The following CDK6 variants were observed in gnomAD, a reference collection of about 807,000 sequenced individuals.
The protein encoded by CDK6 is cyclin dependent kinase 6, also known as cyclin-dependent kinase 6.
A neutral mutation model predicts 37.1 loss-of-function variants in CDK6; 6 were observed. The ratio of observed to expected loss-of-function variants is 0.16; its 90% confidence interval spans 0.09 to 0.32. The LOEUF is 0.32. Ranked by LOEUF, CDK6 falls within the 10% of genes least tolerant of loss-of-function variation. The pLI is 1.00. For missense variants in CDK6, 224 were observed against 418.9 expected, an observed-to-expected ratio of 0.53 and a Z score of 4.06; for synonymous variants, 160 against 161.3, an observed-to-expected ratio of 0.99 and a Z score of 0.06.
In CDK6 at chr7:92,811,949, G is replaced by A. The variant is rs188991274; in HGVS notation, c.233+21142C>T. 2.2e-4 allele frequency among the ~76,000 whole-genome samples: 33 copies of A among 152,234 alleles called. 1 individual carries two copies. Among genetic ancestry groups the A allele is most frequent in the Admixed American group, 1.8e-3 (27 of 15,286 alleles). ...TGGAGGATCATGAGGTCAGGAGTTCGAGATCAGCCTGACCAACACTGTGAA... is the reference window on the plus strand; with the variant it reads ...TGGAGGATCATGAGGTCAGGAGTTCAAGATCAGCCTGACCAACACTGTGAA... On this transcript the variant is annotated intron_variant, in intron 2 of 7. Transcript: ENST00000424848.
intron 5 of CDK6, among the ~76,000 whole-genome samples, chr7:92,645,491 T>C (rs1350765846): frequency 1.3e-5 from 2 of 152,204 alleles, no homozygotes; most frequent in African/African-American, 4.8e-5. Context: ...ATAATAAGAT[T>C]TCCAAGCAGC....
At chr7:92,731,828 A>G (rs1798658239) in intron 3 of CDK6, among the ~76,000 whole-genome samples, 1 of 152,200 alleles carries the variant, frequency 6.6e-6, no homozygotes, top group African/African-American at 2.4e-5. Flanking sequence ...TAATGACTTA[A>G]ATGAACAACA....
chr7:92,632,933 CTTTTTTTT>C (rs397889657), intron 5 of CDK6, among the ~76,000 whole-genome samples: 6 of 108,882 alleles, frequency 5.5e-5, no homozygotes, highest in African/African-American at 1.5e-4. Context: ...CTCTAAAGAT[CTTTTTTTT>C]TTTTTTTTTT....
rs564969079 is a variant in CDK6, at chr7:92,703,235, T to TA, written c.537+22390dup. Among the ~76,000 whole-genome samples the TA allele has an allele frequency of 5.3e-3, 762 of 144,864 alleles. 4 individuals are homozygous for TA. Among genetic ancestry groups the TA allele is most frequent in the Non-Finnish European group, 8.3e-3 (542 of 65,602 alleles). ...ATTTAAAATAGCTCACCTCCACAAT[T>TA]AAAAAAAAAAACACCAGATGACCAT... On this transcript the variant is annotated intron_variant, in intron 4 of 7. Coordinates refer to ENST00000424848, the MANE Select transcript of CDK6 (RefSeq NM_001145306.2).
chr7:92,727,771 C>A (rs1033054641), intron 3 of CDK6, among the ~76,000 whole-genome samples: 2 of 152,110 alleles, frequency 1.3e-5, no homozygotes, highest in Non-Finnish European at 2.9e-5. Context: ...GAGAAGACTG[C>A]ATTGGGGAGG....
intron 5 of CDK6, among the ~76,000 whole-genome samples, chr7:92,642,172 CTTGT>C (rs1796323668): frequency 6.6e-6 from 1 of 152,140 alleles, no homozygotes; most frequent in Non-Finnish European, 1.5e-5. Flanking sequence ...CCAACTCCTC[CTTGT>C]GGAGGAGTCA....
At chr7:92,629,526 A>G (rs1453638637) in intron 5 of CDK6, among the ~76,000 whole-genome samples, 1 of 152,082 alleles carries the variant, frequency 6.6e-6, no homozygotes, top group East Asian at 1.9e-4. Context: ...AAACATTACA[A>G]AACTCATAAA....
In CDK6 at chr7:92,617,720, A is replaced by C. The variant is rs1386115764; in HGVS notation, c.834+352T>G. ...GAAAAGGCACGTTAAAATGACAAAC[A>C]AATTACTTAAAGTAGCATGAAACTG... On this transcript the variant is annotated intron_variant, in intron 7 of 7. Coordinates refer to ENST00000424848, the MANE Select transcript of CDK6 (RefSeq NM_001145306.2). Among the ~76,000 whole-genome samples, 4 of 152,364 alleles carry C rather than the reference A, an allele frequency of 2.6e-5. No homozygotes were observed. In the South Asian group the frequency reaches 8.3e-4, roughly 32 times the overall value.
intron 4 of CDK6, among the ~76,000 whole-genome samples, chr7:92,672,184 G>GACACACACACACACACACACACAC (rs1175195840): frequency 1.6e-4 from 7 of 44,134 alleles, no homozygotes; most frequent in Non-Finnish European, 2.2e-4. Flanking sequence ...CACACACACA[G>GACACACACACACACACACACACAC]ACACATACAC....
At chr7:92,754,119 A>T (rs1027161267) in intron 3 of CDK6, among the ~76,000 whole-genome samples, 1 of 152,134 alleles carries the variant, frequency 6.6e-6, no homozygotes, top group Non-Finnish European at 1.5e-5. Flanking sequence ...GTCTCAATAA[A>T]CACAGTAACA....
At chr7:92,791,175 C>T (rs974071901) in intron 2 of CDK6, among the ~76,000 whole-genome samples, 15 of 151,744 alleles carry the variant, frequency 9.9e-5, no homozygotes, top group Non-Finnish European at 1.9e-4. Context: ...CTAAATGTGG[C>T]GGGGGTGGAG....
intron 3 of CDK6, among the ~76,000 whole-genome samples, chr7:92,726,787 T>C (rs1174991257): frequency 6.6e-6 from 1 of 152,194 alleles, no homozygotes; most frequent in Non-Finnish European, 1.5e-5. Flanking sequence ...AAATCTCCAA[T>C]GTATTCCTTT....
At chr7:92,695,338 G>A (rs1010902295) in intron 4 of CDK6, among the ~76,000 whole-genome samples, 1 of 151,802 alleles carries the variant, frequency 6.6e-6, no homozygotes, top group Non-Finnish European at 1.5e-5. Flanking sequence ...CAATGCTCAA[G>A]GTAATAAGTG....
At chr7:92,656,949 A>T (rs759473849) in intron 5 of CDK6, among the ~76,000 whole-genome samples, 1 of 152,118 alleles carries the variant, frequency 6.6e-6, no homozygotes, top group Non-Finnish European at 1.5e-5. Flanking sequence ...GGTTTCCCCC[A>T]GTTTATTACC....
chr7:92,712,589 C>T (rs758408662), intron 4 of CDK6, among the ~76,000 whole-genome samples: 4 of 152,020 alleles, frequency 2.6e-5, no homozygotes, highest in South Asian at 2.1e-4. Context: ...ACCAAGAAGT[C>T]GTTATAGAAA....
chr7:92,610,428 G>A lies in CDK6; in HGVS notation c.*4712C>T, dbSNP rs1399572150. ...TAAGAAAATAAAAATCCCCAGAAAG[G>A]CTACTTGAGAAAAAAACGTGTAAAA... On this transcript the variant is annotated 3_prime_UTR_variant, in exon 8 of 8. Transcript: ENST00000424848. The A allele has an allele frequency of 4.3e-6, 1 of 231,254 alleles. No individual in the cohort carries two copies. Among genetic ancestry groups the A allele is most frequent in the East Asian group, 6.2e-5 (1 of 16,232 alleles). 14.3% of individuals were successfully genotyped at this position (231,254 alleles called of 1,614,324 possible). A position where few individuals can be genotyped will look rare whatever the true frequency, so the allele number is the denominator to read the frequency against.
intron 4 of CDK6, among the ~76,000 whole-genome samples, chr7:92,703,271 C>G (rs552223878): frequency 9.2e-4 from 140 of 152,158 alleles, no homozygotes; most frequent in African/African-American, 3.3e-3. Flanking sequence ...ATTGCTAGAG[C>G]CTCTCCCATA....
intron 3 of CDK6, among the ~76,000 whole-genome samples, chr7:92,744,630 T>C (rs546858572): frequency 6.6e-6 from 1 of 152,288 alleles, no homozygotes; most frequent in Non-Finnish European, 1.5e-5. Flanking sequence ...ACTATGTTTG[T>C]CTCATACACT....
At chr7:92,656,476 G>T (rs527886083) in intron 5 of CDK6, among the ~76,000 whole-genome samples, 4 of 152,204 alleles carry the variant, frequency 2.6e-5, no homozygotes, top group African/African-American at 7.2e-5. Context: ...TTAGCGCCTT[G>T]GTTGTGTTTG....
Sources: gnomAD v4.1 joint callset for allele counts (sites outside exome capture counted in the v4.1 genomes callset) on GRCh38, gnomAD v4.1.1 for gene constraint, MANE v1.5 for transcripts, NCBI Gene and HGNC (gene_info 2026-07-23, HGNC 2026-07-21) for gene names.